The following SNX2 variants were observed in gnomAD, a reference collection of about 807,000 sequenced individuals.
SNX2 encodes the protein sorting nexin-2.
In SNX2, 25 loss-of-function variants were observed where a neutral mutation model predicts 69.9. That is an observed-to-expected ratio of 0.36 (90% CI 0.26 to 0.50). SNX2 has a LOEUF of 0.50. Among genes scored for constraint, SNX2 ranks in the 20% least tolerant of loss-of-function variants. The pLI, the probability that SNX2 is intolerant of heterozygous loss-of-function variation, is 0.97. For synonymous variants in SNX2, 229 were observed against 200.4 expected, an observed-to-expected ratio of 1.14 and a Z score of -1.20; for missense variants, 551 against 613.3, an observed-to-expected ratio of 0.90 and a Z score of 1.07.
intron 11 of SNX2, among the ~76,000 whole-genome samples, chr5:122,824,071 G>A (rs568662620): frequency 1.3e-4 from 19 of 151,866 alleles, no homozygotes; most frequent in East Asian, 9.7e-4. Context: ...GCATGGTGGC[G>A]GGTGCCTGTA....
rs759450833 is a variant in SNX2, at chr5:122,830,350, CTTGTTTTTAA to C, written c.*703_*712del. On this transcript the variant is annotated 3_prime_UTR_variant, in exon 15 of 15. Coordinates refer to ENST00000379516, the MANE Select transcript of SNX2 (RefSeq NM_003100.4). Reference sequence around the variant, plus strand: ...GTAAAGAAGAGAATAATTGTCTTTGCTTGTTTTTAACCATCTCTATTACAAGTGCCCAATT... The same window carrying C: ...GTAAAGAAGAGAATAATTGTCTTTGCCCATCTCTATTACAAGTGCCCAATT... Among the ~76,000 whole-genome samples, 137 of 152,190 alleles carry C rather than the reference CTTGTTTTTAA, an allele frequency of 9.0e-4. No homozygotes were observed. Among genetic ancestry groups the C allele is most frequent in the Middle Eastern group, 3.4e-3 (1 of 294 alleles).
chr5:122,818,292 T>A (rs1288259547), intron 10 of SNX2, among the ~76,000 whole-genome samples: 1 of 152,154 alleles, frequency 6.6e-6, no homozygotes, highest in Non-Finnish European at 1.5e-5. Context: ...AATTCTAATA[T>A]TTTACTGAGA....
At chr5:122,826,948 A>G (rs1754163207) in intron 12 of SNX2, among the ~76,000 whole-genome samples, 1 of 152,044 alleles carries the variant, frequency 6.6e-6, no homozygotes, top group South Asian at 2.1e-4. Flanking sequence ...TATTTCCATC[A>G]GCATATAAAT....
chr5:122,786,539 A>G (rs1327758466), intron 1 of SNX2, among the ~76,000 whole-genome samples: 1 of 152,070 alleles, frequency 6.6e-6, no homozygotes, highest in Non-Finnish European at 1.5e-5. Context: ...TACATACCTG[A>G]GTTAATATTA....
upstream of SNX2, chr5:122,775,044 T>C: frequency 6.8e-7 from 1 of 1,478,696 alleles, no homozygotes; most frequent in Non-Finnish European, 9.0e-7. Context: ...GGCCCAGCCG[T>C]GCGTGCTCAC....
intron 5 of SNX2, among the ~76,000 whole-genome samples, chr5:122,802,382 GGAA>G (rs773161137): frequency 1.2e-4 from 19 of 152,254 alleles, no homozygotes; most frequent in Non-Finnish European, 2.5e-4. Context: ...GAGGAGGGGG[GGAA>G]GAAGAAGAAT....
intron 1 of SNX2, among the ~76,000 whole-genome samples, chr5:122,791,893 G>A (rs56300425): frequency 0.033 from 5,003 of 152,262 alleles, 126 homozygotes; most frequent in Middle Eastern, 0.054. Flanking sequence ...TATGTACAGC[G>A]TGCAGTCTAT....
chr5:122,828,152 A>G (rs1754200218), intron 14 of SNX2: 1 of 152,220 alleles, frequency 6.6e-6, no homozygotes, highest in African/African-American at 2.4e-5. Context: ...AAATAAAAAG[A>G]TAATCACAGA....
At chr5:122,809,663 C>A (rs1054639023) in intron 7 of SNX2, among the ~76,000 whole-genome samples, 6 of 151,944 alleles carry the variant, frequency 3.9e-5, no homozygotes, top group African/African-American at 1.5e-4. Context: ...GTGAATAGCA[C>A]AGGTCTTGGG....
intron 11 of SNX2, 35 bp from the exon 12 acceptor site, chr5:122,826,015 C>T (rs1274355333): frequency 6.3e-7 from 1 of 1,581,010 alleles, no homozygotes; most frequent in Admixed American, 1.7e-5. Flanking sequence ...TTAAATGTTA[C>T]TCTTACTTAA....
rs1754139869 is a variant in SNX2 at position 122,825,993 on chromosome 5, TAAG to T, written c.1213-54_1213-52del. The T allele has an allele frequency of 2.6e-6, 4 of 1,518,130 alleles. No homozygotes were observed. The South Asian group carries it at 3.8e-5, about 14-fold the overall frequency. The allele number at this position is 1,518,130 out of a possible 1,614,324, so 94.0% of individuals were successfully genotyped here. ...TTCAGTATTATAACACTTCTAGTGTTAAGAAAGTATTTTAAATGTTACTCTTAC... is the reference window on the plus strand; with the variant it reads ...TTCAGTATTATAACACTTCTAGTGTTAAAGTATTTTAAATGTTACTCTTAC... On this transcript the variant is annotated intron_variant, in intron 11 of 14. Transcript: ENST00000379516.
chr5:122,829,574 T>A lies in SNX2; in HGVS notation c.1510-24T>A, dbSNP rs368356587. The A allele has an allele frequency of 5.6e-5, 89 of 1,590,074 alleles. No individual in the cohort carries two copies. In the South Asian group the frequency reaches 9.2e-4, roughly 16 times the overall value. On this transcript the variant is annotated intron_variant, in intron 14 of 14. Coordinates refer to ENST00000379516, the MANE Select transcript of SNX2 (RefSeq NM_003100.4). ...ATGACAAAAAGGTAATGAGAATAAC[T>A]TATATTTTAATTATCATTCACAGCT...
At position 122,832,462 on chromosome 5, in the gene SNX2, T is replaced by C. The variant is rs1754314724; in HGVS notation, c.*2814T>C. ...CTTGATTGTATTTTCTACTGAACTA[T>C]TTTCAAGTATTCAGCTTTATACTAA... is the stretch of plus-strand genomic sequence containing the variant. On this transcript the variant is annotated 3_prime_UTR_variant, in exon 15 of 15. Coordinates refer to ENST00000379516, the MANE Select transcript of SNX2 (RefSeq NM_003100.4). 1.3e-5 allele frequency: 2 copies of C among 152,216 alleles called. No homozygotes were observed. The highest frequency in any genetic ancestry group is 4.8e-5 in the African/African-American group (2 of 41,458). The allele number at this position is 152,216 out of a possible 1,614,324, so 9.4% of individuals were successfully genotyped here.
At chr5:122,785,420 T>A (rs1276794213) in intron 1 of SNX2, among the ~76,000 whole-genome samples, 1 of 152,034 alleles carries the variant, frequency 6.6e-6, no homozygotes, top group Admixed American at 6.6e-5. Flanking sequence ...AATGCTGGAA[T>A]TACAAGTGTG....
intron 14 of SNX2, among the ~76,000 whole-genome samples, chr5:122,828,989 C>T (rs1379152744): frequency 4.6e-5 from 7 of 151,672 alleles, no homozygotes; most frequent in African/African-American, 1.2e-4. Flanking sequence ...GGCGTGGTGG[C>T]GCACCTGTAA....
At position 122,830,468 on chromosome 5, in the gene SNX2, G is replaced by A. The variant is rs10519715; in HGVS notation, c.*820G>A. ...ATCTTCTCGTTATCTTCAGAATCTC[G>A]TACTTTGCATATATTTAATTTATTC... is the stretch of plus-strand genomic sequence containing the variant. On this transcript the variant is annotated 3_prime_UTR_variant, in exon 15 of 15. Transcript: ENST00000379516. Among the ~76,000 whole-genome samples, 53,976 of 151,810 alleles carry A rather than the reference G, an allele frequency of 0.36. 10,242 individuals are homozygous for A. The highest frequency in any genetic ancestry group is 0.46 in the African/African-American group (19,071 of 41,402).
intron 1 of SNX2, among the ~76,000 whole-genome samples, chr5:122,787,522 C>G (rs60185942): frequency 7.5e-5 from 11 of 146,582 alleles, no homozygotes; most frequent in Admixed American, 2.0e-4. Flanking sequence ...TGTCCCCCCC[C>G]AAAAAAAAAA....
intron 7 of SNX2, among the ~76,000 whole-genome samples, chr5:122,810,373 G>T (rs1356545134): frequency 3.9e-5 from 5 of 129,660 alleles, no homozygotes; most frequent in African/African-American, 9.1e-5. Flanking sequence ...ATCCCCCTCT[G>T]CGAGAAACAC....
At chr5:122,808,672 C>G (rs1019199734) in intron 7 of SNX2, 5 of 168,780 alleles carry the variant, frequency 3.0e-5, no homozygotes, top group African/African-American at 1.2e-4. Context: ...AGAATTGTAT[C>G]ATAGGTAGTC....
Sources: gnomAD v4.1 joint callset for allele counts (sites outside exome capture counted in the v4.1 genomes callset) on GRCh38, gnomAD v4.1.1 for gene constraint, MANE v1.5 for transcripts, NCBI Gene and HGNC (gene_info 2026-07-23, HGNC 2026-07-21) for gene names.